Variants in SIPA1L3 observed in about 807,000 individuals in gnomAD.
The protein encoded by SIPA1L3 is signal induced proliferation associated 1 like 3.
A neutral mutation model predicts 150.1 loss-of-function variants in SIPA1L3; 59 were observed. The ratio of observed to expected loss-of-function variants is 0.39; its 90% CI spans 0.32 to 0.49. The LOEUF is 0.49. SIPA1L3 is among the 20% of genes least tolerant of loss of function. The pLI, the probability that SIPA1L3 is intolerant of heterozygous loss-of-function variation, is 0.86. For synonymous variants in SIPA1L3, 1,070 were observed against 1,077.6 expected, an observed-to-expected ratio of 0.99 and a Z score of 0.14; for missense variants, 2,211 against 2,489.5, an observed-to-expected ratio of 0.89 and a Z score of 2.38.
chr19:38,057,623 C>T (rs1181182346), intron 2 of SIPA1L3, among the ~76,000 whole-genome samples: 1 of 151,150 alleles, frequency 6.6e-6, no homozygotes, highest in Non-Finnish European at 1.5e-5. Flanking sequence ...ACAGAAGTAG[C>T]ATTCCTGGTT....
intron 3 of SIPA1L3, among the ~76,000 whole-genome samples, chr19:38,087,381 C>T (rs917027860): frequency 2.0e-5 from 3 of 152,184 alleles, no homozygotes; most frequent in African/African-American, 7.2e-5. Context: ...CTGTTCTGAT[C>T]GGGGTCATTA....
At chr19:37,911,689 T>C (rs2046379198) in intron 1 of SIPA1L3, among the ~76,000 whole-genome samples, 1 of 151,726 alleles carries the variant, frequency 6.6e-6, no homozygotes, top group Admixed American at 6.6e-5. Context: ...TTTTTTGTAT[T>C]TTTAGTAGAG....
intron 1 of SIPA1L3, among the ~76,000 whole-genome samples, chr19:37,945,453 G>A (rs1458218675): frequency 6.6e-6 from 1 of 152,026 alleles, no homozygotes; most frequent in African/African-American, 2.4e-5. Context: ...GCCTAGACTG[G>A]TCTCGAATTC....
At chr19:38,114,519 G>T (rs1474883769) in intron 8 of SIPA1L3, among the ~76,000 whole-genome samples, 1 of 152,142 alleles carries the variant, frequency 6.6e-6, no homozygotes, top group Non-Finnish European at 1.5e-5. Flanking sequence ...GAGGGACAGG[G>T]GAGGTCATCT....
chr19:38,170,612 C>A (rs1259641421), intron 15 of SIPA1L3, among the ~76,000 whole-genome samples: 3 of 152,186 alleles, frequency 2.0e-5, no homozygotes, highest in African/African-American at 7.2e-5. Flanking sequence ...CTGCAGGGAG[C>A]TGGAACAGGC....
intron 1 of SIPA1L3, among the ~76,000 whole-genome samples, chr19:37,920,604 A>G (rs2046450145): frequency 6.6e-6 from 1 of 152,248 alleles, no homozygotes; most frequent in South Asian, 2.1e-4. Flanking sequence ...GTTAAAAACA[A>G]GTACAACAAA....
chr19:38,164,189 T>G lies in SIPA1L3; in HGVS notation c.3781-290T>G, dbSNP rs1312604012. 6.6e-6 allele frequency among the ~76,000 whole-genome samples: 1 copy of G among 152,168 alleles called. No homozygotes were observed. The highest frequency in any genetic ancestry group is 2.4e-5 in the African/African-American group (1 of 41,432). On this transcript the variant is annotated intron_variant, in intron 14 of 21. Transcript: ENST00000222345. The surrounding 1 kb of genome is among the most constrained non-coding windows in gnomAD (Gnocchi z 4.1). ...AGGAAGACGCTGCCGAACTCAGTCT[T>G]AGATTCGCTGAGTCTGAGATGTGGG...
At chr19:38,138,915 A>AG (rs1568570955) in intron 10 of SIPA1L3, among the ~76,000 whole-genome samples, 1 of 140,818 alleles carries the variant, frequency 7.1e-6, no homozygotes. Context: ...AAAAAAAAAA[A>AG]CTGAGTGTGG....
intron 1 of SIPA1L3, among the ~76,000 whole-genome samples, chr19:38,002,806 G>C (rs1364967399): frequency 6.6e-6 from 1 of 150,452 alleles, no homozygotes; most frequent in African/African-American, 2.5e-5. Flanking sequence ...ATGGACACTT[G>C]GGATGCTTCT....
chr19:38,063,635 T>C (rs1269301043), intron 2 of SIPA1L3, among the ~76,000 whole-genome samples: 1 of 152,220 alleles, frequency 6.6e-6, no homozygotes, highest in East Asian at 1.9e-4. Flanking sequence ...AGGCTTGGCC[T>C]GGCCACAGGA....
At chr19:38,015,959 G>A (rs560677967) in intron 1 of SIPA1L3, among the ~76,000 whole-genome samples, 28 of 152,174 alleles carry the variant, frequency 1.8e-4, no homozygotes, top group African/African-American at 5.8e-4. Flanking sequence ...TTGGTCCGCC[G>A]GAATCTGCGC....
intron 2 of SIPA1L3, among the ~76,000 whole-genome samples, chr19:38,060,751 G>C (rs964592597): frequency 1.3e-5 from 2 of 152,158 alleles, no homozygotes; most frequent in African/African-American, 4.8e-5. Flanking sequence ...GAGTGCAATG[G>C]CCTGATTTTG....
At chr19:37,965,052 T>C (rs1165538188) in intron 1 of SIPA1L3, among the ~76,000 whole-genome samples, 1 of 152,246 alleles carries the variant, frequency 6.6e-6, no homozygotes, top group Non-Finnish European at 1.5e-5. Context: ...TAGAAAATTA[T>C]CTGTTTTGGG....
intron 1 of SIPA1L3, among the ~76,000 whole-genome samples, chr19:37,984,474 G>T (rs547656130): frequency 6.6e-6 from 1 of 152,032 alleles, no homozygotes; most frequent in African/African-American, 2.4e-5. Context: ...TGGATAAAAA[G>T]AAATCCCCCA....
At chr19:38,120,298 C>CAAA (rs10707316) in intron 9 of SIPA1L3, among the ~76,000 whole-genome samples, 4 of 135,660 alleles carry the variant, frequency 2.9e-5, no homozygotes, top group Non-Finnish European at 4.8e-5. Flanking sequence ...ACTCTGCCTA[C>CAAA]AAAAAAAAAA....
intron 2 of SIPA1L3, among the ~76,000 whole-genome samples, chr19:38,078,579 C>T (rs983511117): frequency 6.7e-6 from 1 of 149,144 alleles, no homozygotes; most frequent in Non-Finnish European, 1.5e-5. Flanking sequence ...CACAGAGACA[C>T]GCACACACAC....
At chr19:38,077,538 T>C (rs570791328) in intron 2 of SIPA1L3, among the ~76,000 whole-genome samples, 3 of 151,976 alleles carry the variant, frequency 2.0e-5, no homozygotes, top group Non-Finnish European at 4.4e-5. Context: ...AGGAAGGGCC[T>C]GGGAGTGGTG....
chr19:38,065,529 GTC>G (rs1250804416), intron 2 of SIPA1L3, among the ~76,000 whole-genome samples: 5 of 150,160 alleles, frequency 3.3e-5, no homozygotes, highest in Admixed American at 6.8e-5. Flanking sequence ...AATTCCTCCT[GTC>G]TCAGCCTCCC....
intron 2 of SIPA1L3, among the ~76,000 whole-genome samples, chr19:38,066,457 G>A (rs1478928227): frequency 1.3e-5 from 2 of 152,186 alleles, no homozygotes; most frequent in Admixed American, 6.5e-5. Flanking sequence ...TCAAAGCATC[G>A]TGTACCTTTC....
Sources: allele counts gnomAD v4.1 joint callset (sites outside exome capture counted in the v4.1 genomes callset), GRCh38; gene constraint gnomAD v4.1.1; non-coding constraint Gnocchi (gnomAD v3.1); transcripts MANE v1.5; gene names NCBI Gene and HGNC (gene_info 2026-07-23, HGNC 2026-07-21).